Variants in UMAD1 observed in about 807,000 individuals in gnomAD.
UMAD1 encodes the protein UBAP1-MVB12-associated (UMA)-domain containing protein 1.
Under a neutral mutation model 6.1 loss-of-function variants are expected in UMAD1, and 8 were observed. That is an observed-to-expected ratio of 1.30 (90% confidence interval 0.76 to 2.35). UMAD1 has a LOEUF of 2.35. Among genes scored for constraint, UMAD1 ranks in the 30% most tolerant of loss-of-function variants. The probability of loss-of-function intolerance (pLI) is 0.00; values close to 1 mark genes in which losing one functional copy is unlikely to be tolerated. For missense variants in UMAD1, 130 were observed against 78.4 expected, an observed-to-expected ratio of 1.66 and a Z score of -2.49; for synonymous variants, 56 against 31.4, an observed-to-expected ratio of 1.78 and a Z score of -2.61.
intron 2 of UMAD1, among the ~76,000 whole-genome samples, chr7:7,778,273 TGTGAGAGA>T (rs1335713719): frequency 1.7e-4 from 16 of 94,858 alleles, no homozygotes; most frequent in Middle Eastern, 5.6e-3. Flanking sequence ...TGTGTGTGTG[TGTGAGAGA>T]GAGAGAGAGA....
intron 3 of UMAD1, among the ~76,000 whole-genome samples, chr7:7,843,169 T>G (rs1220931355): frequency 6.6e-6 from 1 of 152,244 alleles, no homozygotes; most frequent in Non-Finnish European, 1.5e-5. Context: ...AGATGCCATT[T>G]TAAGTTCACT....
intron 2 of UMAD1, among the ~76,000 whole-genome samples, chr7:7,677,664 G>GTTTTTTTTT (rs141602455): frequency 4.4e-5 from 5 of 113,498 alleles, no homozygotes; most frequent in African/African-American, 7.1e-5. Context: ...CTGTTTTTTT[G>GTTTTTTTTT]TTTTTTTTTT....
At chr7:7,673,586 G>A (rs558769228) in intron 2 of UMAD1, 133 bp downstream of exon 2, 43 of 605,544 alleles carry the variant, frequency 7.1e-5, no homozygotes, top group Non-Finnish European at 6.4e-5. Context: ...TTTTTAAAGC[G>A]TAAAATCTGT....
At chr7:7,677,884 G>A (rs1013249550) in intron 2 of UMAD1, among the ~76,000 whole-genome samples, 17 of 150,980 alleles carry the variant, frequency 1.1e-4, no homozygotes, top group African/African-American at 2.7e-4. Context: ...CGTTTTAGCC[G>A]GGATGGTCTC....
chr7:7,826,470 C>A (rs1451093637), intron 3 of UMAD1, among the ~76,000 whole-genome samples: 4 of 152,094 alleles, frequency 2.6e-5, no homozygotes, highest in African/African-American at 9.7e-5. Context: ...TAAATTCCAT[C>A]CTGTTAAACT....
intron 3 of UMAD1, among the ~76,000 whole-genome samples, chr7:7,850,487 C>A (rs1364611629): frequency 6.6e-6 from 1 of 151,932 alleles, no homozygotes; most frequent in Non-Finnish European, 1.5e-5. Context: ...TCTTGAATGT[C>A]TTTTATTGAT....
intron 3 of UMAD1, among the ~76,000 whole-genome samples, chr7:7,850,783 C>G (rs1195796687): frequency 1.3e-5 from 2 of 151,958 alleles, no homozygotes; most frequent in East Asian, 1.9e-4. Context: ...TAGAATAATG[C>G]TAACGATAAA....
intron 3 of UMAD1, among the ~76,000 whole-genome samples, chr7:7,834,074 G>A (rs890313217): frequency 2.1e-5 from 3 of 140,172 alleles, no homozygotes; most frequent in African/African-American, 8.2e-5. Flanking sequence ...CCAGGCTGGA[G>A]TGCAATGGCG....
At chr7:7,722,312 T>G (rs539705436) in intron 2 of UMAD1, among the ~76,000 whole-genome samples, 7 of 152,076 alleles carry the variant, frequency 4.6e-5, no homozygotes, top group African/African-American at 1.4e-4. Context: ...TGGAGTTCCT[T>G]CGTTGGTTTT....
chr7:7,658,540 A>G (rs1449169590), intron 1 of UMAD1, among the ~76,000 whole-genome samples: 1 of 152,122 alleles, frequency 6.6e-6, no homozygotes, highest in Non-Finnish European at 1.5e-5. Context: ...AATTTTATCG[A>G]AGGCCTTTTC....
chr7:7,758,531 G>A (rs1278076109), intron 2 of UMAD1, among the ~76,000 whole-genome samples: 1 of 7,098 alleles, frequency 1.4e-4, no homozygotes, highest in Non-Finnish European at 2.5e-4. Context: ...TGGATACTGT[G>A]GAAGCTGCCT....
chr7:7,699,200 A>C (rs1780396020), intron 2 of UMAD1, among the ~76,000 whole-genome samples: 1 of 152,134 alleles, frequency 6.6e-6, no homozygotes, highest in Admixed American at 6.6e-5. Flanking sequence ...GATTATGGGA[A>C]TGCCAGAACA....
intron 2 of UMAD1, among the ~76,000 whole-genome samples, chr7:7,747,554 C>G (rs1781596053): frequency 6.6e-6 from 1 of 152,148 alleles, no homozygotes. Context: ...TATCATGACA[C>G]TTAGTAATTA....
intron 3 of UMAD1, among the ~76,000 whole-genome samples, chr7:7,872,133 G>A (rs1234699049): frequency 6.6e-6 from 1 of 151,874 alleles, no homozygotes; most frequent in East Asian, 1.9e-4. Context: ...TGTTTAGAAA[G>A]CAAAATGCTA....
intron 2 of UMAD1, chr7:7,740,675 T>A (rs1781445941): frequency 6.6e-6 from 1 of 152,274 alleles, no homozygotes; most frequent in African/African-American, 2.4e-5. Context: ...TAACCCTCGG[T>A]TGTAATTTAC....
intron 3 of UMAD1, among the ~76,000 whole-genome samples, chr7:7,854,885 C>A (rs1310186522): frequency 1.3e-5 from 2 of 152,178 alleles, no homozygotes; most frequent in African/African-American, 4.8e-5. Context: ...TTCCTAGATA[C>A]AATGGGGGTA....
At chr7:7,711,991 C>G (rs1780776834) in intron 2 of UMAD1, among the ~76,000 whole-genome samples, 1 of 151,950 alleles carries the variant, frequency 6.6e-6, no homozygotes, top group South Asian at 2.1e-4. Context: ...TTTCTTAGTA[C>G]TATTTTGGAT....
intron 3 of UMAD1, among the ~76,000 whole-genome samples, chr7:7,813,818 T>C (rs1783071980): frequency 6.6e-6 from 1 of 152,184 alleles, no homozygotes; most frequent in Non-Finnish European, 1.5e-5. Context: ...CCTGCACAGA[T>C]TGCCTTCCTT....
rs75945160 is a variant in UMAD1, at chr7:7,789,627, C to T, written c.83-12043C>T. Among the ~76,000 whole-genome samples the T allele has an allele frequency of 8.7e-3, 1,305 of 149,640 alleles. 53 individuals are homozygous for T. The highest frequency in any genetic ancestry group is 0.032 in the African/African-American group (1,246 of 39,192). On this transcript the variant is annotated intron_variant, in intron 2 of 3. Transcript: ENST00000682710. ...AAACAAAATACCCCTTCTCCCCTCC[C>T]CACAGACCCTGGAAACCACCATTCT... is the stretch of plus-strand genomic sequence containing the variant.
Sources: allele counts gnomAD v4.1 joint callset (sites outside exome capture counted in the v4.1 genomes callset), GRCh38; gene constraint gnomAD v4.1.1; transcripts MANE v1.5; gene names NCBI Gene and HGNC (gene_info 2026-07-23, HGNC 2026-07-21).